ARHGEF18: variants seen among roughly 807,000 people sequenced by gnomAD.
ARHGEF18 encodes the protein Rho/Rac guanine nucleotide exchange factor 18.
A neutral mutation model predicts 155.7 loss-of-function variants in ARHGEF18; 93 were observed. The observed-to-expected ratio is 0.60, with a 90% CI of 0.50 to 0.71. ARHGEF18 has a LOEUF of 0.71. Ranked by LOEUF, ARHGEF18 falls within the 30% of genes least tolerant of loss-of-function variation. ARHGEF18 has a pLI of 0.00. For synonymous variants in ARHGEF18, 742 were observed against 753.1 expected (o/e 0.99, Z 0.24); for missense variants, 1,593 against 1,816.1 (o/e 0.88, Z 2.23).
At chr19:7,441,553 G>C in intron 11 of ARHGEF18, 100 bp from the exon 12 acceptor site, 1 of 835,436 alleles carries the variant, frequency 1.2e-6, no homozygotes, top group Non-Finnish European at 2.0e-6. Context: ...TTCTCAGAGA[G>C]TATCGAATCG....
Position 7,444,210 on chromosome 19 carries a change from T to C in ARHGEF18, c.1367T>C (p.Met456Thr). 6.2e-7 allele frequency: 1 copy of C among 1,612,948 alleles called. No individual in the cohort carries two copies. Among genetic ancestry groups the C allele is most frequent in the Middle Eastern group, 1.7e-4 (1 of 6,022 alleles). The change falls in exon 14 of 29, where the codon ATG (methionine) becomes ACG (threonine). Residue 456 changes from methionine (M) to threonine (T), a missense_variant. Met to Thr is a moderately conservative substitution (Grantham distance 81). Transcript: ENST00000668164. The surrounding 1 kb of genome is among the most constrained non-coding windows in gnomAD (Gnocchi z 4.7). ...GCCGTCTGTGTCCCTGCAGAGCTGA[T>C]GCAGACAGAGGTGCACCACGTGCGG... is the stretch of plus-strand genomic sequence containing the variant. Reference protein sequence around the residue: ...VKRQDVLYELMQTEVHHVRTL... With the variant: ...VKRQDVLYELTQTEVHHVRTL...
downstream of ARHGEF18, among the ~76,000 whole-genome samples, chr19:7,474,754 AGTGTGTGTGTGT>A (rs3219570): frequency 4.2e-4 from 59 of 142,036 alleles, no homozygotes; most frequent in Non-Finnish European, 7.1e-4. Flanking sequence ...TGGGCATTGG[AGTGTGTGTGTGT>A]GTGTGTGTGT....
intron 10 of ARHGEF18, chr19:7,439,612 A>G (rs8102136): frequency 0.36 from 364,538 of 1,001,536 alleles, 68,844 homozygotes; most frequent in East Asian, 0.6. Flanking sequence ...TATAATCACC[A>G]TATGGAACAG....
At chr19:7,450,895 G>A (rs1269560939) in intron 15 of ARHGEF18, among the ~76,000 whole-genome samples, 3 of 3,828 alleles carry the variant, frequency 7.8e-4, no homozygotes, top group Non-Finnish European at 1.2e-3. Flanking sequence ...GCGGGGTCTT[G>A]CTGTACCTTT....
At chr19:7,362,103 GAA>G (rs1969623412) in intron 1 of ARHGEF18, among the ~76,000 whole-genome samples, 2 of 23,782 alleles carry the variant, frequency 8.4e-5, no homozygotes, top group African/African-American at 8.2e-4. Flanking sequence ...AGGAGAAGGA[GAA>G]GGAGAAGGAG....
chr19:7,374,403 G>A (rs1168145530), intron 3 of ARHGEF18, among the ~76,000 whole-genome samples: 2 of 152,070 alleles, frequency 1.3e-5, no homozygotes, highest in East Asian at 1.9e-4. Flanking sequence ...GAGGCCGGGC[G>A]CGGTGGCTCA....
rs1402680629 is a variant in ARHGEF18 at position 7,375,376 on chromosome 19, A to AAG, written c.276-344_276-343insAG. On this transcript the variant is annotated intron_variant, in intron 3 of 28. Coordinates refer to ENST00000668164, the MANE Select transcript of ARHGEF18 (RefSeq NM_001367823.1). Reference sequence around the variant, plus strand: ...AGAAAAGGAAGGAAGGAAGGAAGGAAGAAAGAAAAGGAAGGAAGGAAGAAA... The same window carrying AAG: ...AGAAAAGGAAGGAAGGAAGGAAGGAAAGGAAAGAAAAGGAAGGAAGGAAGAAA... Among the ~76,000 whole-genome samples the AAG allele has an allele frequency of 7.4e-3, 1,117 of 150,248 alleles. 25 individuals are homozygous for AAG. The highest frequency in any genetic ancestry group is 0.025 in the African/African-American group (1,026 of 40,642).
chr19:7,401,962 C>T (rs1450609872), intron 10 of ARHGEF18, among the ~76,000 whole-genome samples: 3 of 152,120 alleles, frequency 2.0e-5, no homozygotes, highest in Non-Finnish European at 2.9e-5. Flanking sequence ...GAAGCCAGTC[C>T]CCAAAGGCCA....
In ARHGEF18 at chr19:7,462,458, TGG is replaced by T. The variant is rs3214464; in HGVS notation, c.2635+131_2635+132del. ...ACCCTGTCCAGGACAGGCTTCTATG[TGG>T]GGGGGGCCCAGGAGCAGCACTGACC... is the stretch of plus-strand genomic sequence containing the variant. On this transcript the variant is annotated intron_variant, in intron 21 of 28. Coordinates refer to ENST00000668164, the MANE Select transcript of ARHGEF18 (RefSeq NM_001367823.1). This position sits in a 1 kb window ranked among gnomAD's most constrained non-coding sequence, Gnocchi z 4.4. 21 of 1,093,420 alleles carry T rather than the reference TGG, an allele frequency of 1.9e-5. No individual in the cohort carries two copies. Among genetic ancestry groups the T allele is most frequent in the Non-Finnish European group, 2.4e-5 (19 of 791,538 alleles). 67.7% of individuals were successfully genotyped at this position (1,093,420 alleles called of 1,614,324 possible).
At chr19:7,450,460 A>G (rs77722043) in intron 15 of ARHGEF18, among the ~76,000 whole-genome samples, 11 of 3,980 alleles carry the variant, frequency 2.8e-3, no homozygotes, top group South Asian at 0.012. Context: ...AGATGTTAAT[A>G]CAGGATCTTG....
At chr19:7,376,188 T>C (rs1025562576) in intron 4 of ARHGEF18, among the ~76,000 whole-genome samples, 1 of 152,146 alleles carries the variant, frequency 6.6e-6, no homozygotes, top group African/African-American at 2.4e-5. Flanking sequence ...GATCTTTGCC[T>C]GGAGTGTAGC....
At chr19:7,349,988 C>A (rs1969117373) in intron 1 of ARHGEF18, among the ~76,000 whole-genome samples, 1 of 152,140 alleles carries the variant, frequency 6.6e-6, no homozygotes, top group Non-Finnish European at 1.5e-5. Context: ...AGGGTCTTGT[C>A]CTGATCTGAA....
At chr19:7,476,619 C>T (rs1189407632), downstream of ARHGEF18, among the ~76,000 whole-genome samples, 2 of 152,236 alleles carry the variant, frequency 1.3e-5, no homozygotes, top group African/African-American at 4.8e-5. Flanking sequence ...TGAGGCCACG[C>T]CCTCGGGTGG....
chr19:7,366,864 G>A (rs1231687478), intron 2 of ARHGEF18, among the ~76,000 whole-genome samples: 1 of 151,976 alleles, frequency 6.6e-6, no homozygotes, highest in East Asian at 1.9e-4. Context: ...CTGAACTCAA[G>A]CAACCCTCCC....
chr19:7,450,371 T>C (rs1975303642), intron 15 of ARHGEF18, among the ~76,000 whole-genome samples: 1 of 152,186 alleles, frequency 6.6e-6, no homozygotes, highest in Non-Finnish European at 1.5e-5. Context: ...TGCTGTCCGT[T>C]TCTGAGATGT....
At chr19:7,423,659 C>G (rs1188482782) in intron 10 of ARHGEF18, among the ~76,000 whole-genome samples, 5 of 150,756 alleles carry the variant, frequency 3.3e-5, no homozygotes, top group Non-Finnish European at 5.9e-5. Context: ...GAGCCGAGAT[C>G]GCGCCACTGC....
In ARHGEF18 at chr19:7,467,328, C is replaced by T; in HGVS notation, c.3124C>T (p.Arg1042Trp). ...TRGNLLLEQE[R>W]QRNFEKQREE... ...TGGGAACCTGCTGCTGGAGCAGGAG[C>T]GGCAACGCAACTTCGAGAAGCAGCG... Residue 1042 changes from arginine to tryptophan, a missense_variant, in exon 26 of 29, where the codon CGG (arginine) becomes TGG (tryptophan). Transcript: ENST00000668164. 6.5e-7 allele frequency: 1 copy of T among 1,538,530 alleles called. No individual in the cohort carries two copies. The highest frequency in any genetic ancestry group is 1.2e-5 in the South Asian group (1 of 84,264).
In ARHGEF18 at chr19:7,362,900, G is replaced by A; in HGVS notation, c.10G>A (p.Asp4Asn). The A allele has an allele frequency of 8.1e-7, 1 of 1,234,374 alleles. No homozygotes were observed. Among genetic ancestry groups the A allele is most frequent in the Non-Finnish European group, 1.0e-6 (1 of 988,178 alleles). The allele number at this position is 1,234,374 out of a possible 1,614,324, so 76.5% of individuals were successfully genotyped here. ...AGACTTCTTCTCTGCCATGGGGGAT[G>A]ATCAGGCAGGTGTCTGACTGCTGAA... is the stretch of plus-strand genomic sequence containing the variant. MGD[D>N]QEDDFPRRLS... Residue 4 changes from aspartate to asparagine, a missense_variant, in exon 2 of 29, where the codon GAT (aspartate) becomes AAT (asparagine). Physicochemically the swap from Asp to Asn is conservative, Grantham distance 23. Coordinates refer to ENST00000668164, the MANE Select transcript of ARHGEF18 (RefSeq NM_001367823.1).
intron 3 of ARHGEF18, among the ~76,000 whole-genome samples, chr19:7,373,849 ATTTTTT>A (rs57703407): frequency 2.5e-5 from 3 of 122,052 alleles, no homozygotes; most frequent in Non-Finnish European, 5.0e-5. Flanking sequence ...TCCTATGAGA[ATTTTTT>A]TTTTTTTTTT....
Sources: gnomAD v4.1 joint callset for allele counts (sites outside exome capture counted in the v4.1 genomes callset) on GRCh38, gnomAD v4.1.1 for gene constraint, Gnocchi (gnomAD v3.1) non-coding constraint, MANE v1.5 for transcripts, NCBI Gene and HGNC (gene_info 2026-07-23, HGNC 2026-07-21) for gene names.